Variants in ZFHX3 observed in about 807,000 individuals in gnomAD.
The protein encoded by ZFHX3 is zinc finger homeobox 3.
Under a neutral mutation model 279.1 loss-of-function variants are expected in ZFHX3, and 42 were observed. The ratio of observed to expected loss-of-function variants is 0.15; its 90% CI spans 0.12 to 0.19. The LOEUF is 0.19. Among genes scored for constraint, ZFHX3 ranks in the 10% least tolerant of loss-of-function variants. The pLI is 1.00. For missense variants in ZFHX3, 4,981 were observed against 4,754.0 expected (o/e 1.05, Z -1.40); for synonymous variants, 2,293 against 1,957.8 (o/e 1.17, Z -4.52).
intron 1 of ZFHX3, among the ~76,000 whole-genome samples, chr16:73,008,566 G>T (rs1314086769): frequency 2.0e-5 from 3 of 152,202 alleles, no homozygotes; most frequent in East Asian, 1.9e-4. Flanking sequence ...CTGGGGCACT[G>T]AGAGATCTGA....
intron 5 of ZFHX3, among the ~76,000 whole-genome samples, chr16:73,172,112 G>C (rs1243187068): frequency 6.6e-6 from 1 of 152,158 alleles, no homozygotes; most frequent in Admixed American, 6.5e-5. Context: ...TTCAGGAAGA[G>C]TGAAATGGTC....
intron 4 of ZFHX3, among the ~76,000 whole-genome samples, chr16:73,301,322 G>A (rs1041074832): frequency 6.6e-6 from 1 of 152,170 alleles, no homozygotes; most frequent in Non-Finnish European, 1.5e-5. Flanking sequence ...GTAAAAGTGT[G>A]GAGCAAATAG....
intron 7 of ZFHX3, among the ~76,000 whole-genome samples, chr16:73,100,675 G>A (rs1163936287): frequency 6.6e-6 from 1 of 151,440 alleles, no homozygotes; most frequent in African/African-American, 2.4e-5. Context: ...TGCCTCCTGG[G>A]TAATTTCCAC....
At chr16:73,107,671 C>T (rs1162558349) in intron 7 of ZFHX3, among the ~76,000 whole-genome samples, 1 of 152,164 alleles carries the variant, frequency 6.6e-6, no homozygotes, top group African/African-American at 2.4e-5. Context: ...GAGGGCAGCA[C>T]CACGCGTATT....
intron 5 of ZFHX3, among the ~76,000 whole-genome samples, chr16:73,210,239 T>C (rs2011964661): frequency 6.6e-6 from 1 of 152,092 alleles, no homozygotes; most frequent in African/African-American, 2.4e-5. Context: ...AATTAAATGG[T>C]AAATAACTGC....
At chr16:73,780,421 T>C (rs1403720928) in intron 1 of ZFHX3, among the ~76,000 whole-genome samples, 2 of 151,362 alleles carry the variant, frequency 1.3e-5, no homozygotes, top group Non-Finnish European at 2.9e-5. Flanking sequence ...GTGTTGAGTT[T>C]ATAGGCATGA....
In ZFHX3 at chr16:72,793,384, T is replaced by A. The variant is rs748873199; in HGVS notation, c.9298A>T (p.Met3100Leu). Residue 3100 changes from methionine to leucine, a missense_variant, in exon 9 of 10, where the codon ATG (methionine) becomes TTG (leucine). Met to Leu is a conservative substitution (Grantham distance 15). Coordinates refer to ENST00000268489, the MANE Select transcript of ZFHX3 (RefSeq NM_006885.4). This position sits in a 1 kb window ranked among gnomAD's most constrained non-coding sequence, Gnocchi z 4.3. ...GCCTGAAGAGGGGTGTTGTCAAACA[T>A]CCCTTGCTGCTGAGCTGCCAGTCCA... is the stretch of plus-strand genomic sequence containing the variant. ...VLGLAAQQQG[M>L]FDNTPLQALN... The A allele has an allele frequency of 3.7e-6, 6 of 1,614,150 alleles. No individual in the cohort carries two copies. Among genetic ancestry groups the A allele is most frequent in the Non-Finnish European group, 5.1e-6 (6 of 1,180,022 alleles).
At chr16:72,975,523 CCTT>C (rs1962311956) in intron 1 of ZFHX3, among the ~76,000 whole-genome samples, 2 of 152,118 alleles carry the variant, frequency 1.3e-5, no homozygotes, top group Admixed American at 1.3e-4. Context: ...TCACATGTCC[CCTT>C]CTTCATGGCC....
At chr16:73,379,979 A>G (rs7205892) in intron 3 of ZFHX3, among the ~76,000 whole-genome samples, 130,697 of 152,172 alleles carry the variant, frequency 0.86, 56,410 homozygotes, top group African/African-American at 0.9. Flanking sequence ...GAACTCTAGA[A>G]TATAGCTACA....
At chr16:73,086,389 T>C (rs1162860472) in intron 8 of ZFHX3, among the ~76,000 whole-genome samples, 4 of 152,142 alleles carry the variant, frequency 2.6e-5, no homozygotes, top group African/African-American at 7.2e-5. Context: ...AATCAGTATA[T>C]TGAAGAGAAA....
intron 2 of ZFHX3, among the ~76,000 whole-genome samples, chr16:73,557,936 C>G (rs942041099): frequency 1.3e-5 from 2 of 152,188 alleles, no homozygotes; most frequent in African/African-American, 4.8e-5. Context: ...GCACACCATT[C>G]TGGAGCCTCT....
chr16:73,634,461 T>TATATATATATATAA (rs1567538532), intron 2 of ZFHX3, among the ~76,000 whole-genome samples: 1 of 140,982 alleles, frequency 7.1e-6, no homozygotes, highest in African/African-American at 2.8e-5. Context: ...TATATATATA[T>TATATATATATATAA]AAAATATATA....
intron 5 of ZFHX3, among the ~76,000 whole-genome samples, chr16:73,193,215 A>G (rs1448893324): frequency 6.6e-6 from 1 of 152,156 alleles, no homozygotes; most frequent in Non-Finnish European, 1.5e-5. Context: ...GGGCCTGAAG[A>G]TGTGGGTCCT....
chr16:73,297,251 T>C (rs2014939353), intron 4 of ZFHX3, among the ~76,000 whole-genome samples: 1 of 151,940 alleles, frequency 6.6e-6, no homozygotes, highest in Non-Finnish European at 1.5e-5. Flanking sequence ...TGACCAAGGT[T>C]GCCAAGCTCG....
At position 73,151,528 on chromosome 16, in the gene ZFHX3, C is replaced by T. The variant is rs963593733; in HGVS notation, c.-1103-7697G>A. Among the ~76,000 whole-genome samples, 6 of 151,704 alleles carry T rather than the reference C, an allele frequency of 4.0e-5. No homozygotes were observed. In the East Asian group the frequency reaches 5.8e-4, roughly 15 times the overall value. On this transcript the variant is annotated intron_variant, in intron 5 of 17. Coordinates refer to the ZFHX3 transcript ENST00000641206. Reference sequence around the variant, plus strand: ...CAGGATACAGAGGCTGCCTCCTGCTCGGTGGGAAAGAATGTCGTGATTGAT... The same window carrying T: ...CAGGATACAGAGGCTGCCTCCTGCTTGGTGGGAAAGAATGTCGTGATTGAT...
chr16:73,857,835 G>A (rs114132504), intron 1 of ZFHX3, among the ~76,000 whole-genome samples: 164 of 152,248 alleles, frequency 1.1e-3, no homozygotes, highest in African/African-American at 3.7e-3. Context: ...GGCCAGGCAC[G>A]ATGGCTCATG....
At chr16:73,043,424 CA>C (rs1220454067) in intron 1 of ZFHX3, among the ~76,000 whole-genome samples, 39 of 152,296 alleles carry the variant, frequency 2.6e-4, no homozygotes, top group African/African-American at 8.4e-4. Context: ...TGCCATCTCG[CA>C]AACTTTCTAT....
At chr16:73,319,111 A>T in intron 3 of ZFHX3, among the ~76,000 whole-genome samples, 1 of 136,028 alleles carries the variant, frequency 7.4e-6, no homozygotes, top group Non-Finnish European at 1.6e-5. Context: ...GAGGTGTGGA[A>T]TGGGGGGGGC....
At chr16:73,320,804 A>G (rs1302588702) in intron 3 of ZFHX3, among the ~76,000 whole-genome samples, 1 of 152,090 alleles carries the variant, frequency 6.6e-6, no homozygotes, top group Non-Finnish European at 1.5e-5. Flanking sequence ...TCTATGGCTG[A>G]CTGTGCTTTA....
Sources: gnomAD v4.1 joint callset for allele counts (sites outside exome capture counted in the v4.1 genomes callset) on GRCh38, gnomAD v4.1.1 for gene constraint, Gnocchi (gnomAD v3.1) non-coding constraint, MANE v1.5 for transcripts, NCBI Gene and HGNC (gene_info 2026-07-23, HGNC 2026-07-21) for gene names.